MVB12B: variants seen among roughly 807,000 people sequenced by gnomAD.
MVB12B encodes the protein multivesicular body subunit 12B.
Under a neutral mutation model 41.6 loss-of-function variants are expected in MVB12B, and 16 were observed. That is an observed-to-expected ratio of 0.38 (90% CI 0.26 to 0.58). The LOEUF (loss-of-function observed/expected upper bound fraction) is 0.58, where lower values mean the gene tolerates loss of function less well. MVB12B is among the 20% of genes least tolerant of loss of function. The probability of loss-of-function intolerance (pLI) is 0.62; values close to 1 mark genes in which losing one functional copy is unlikely to be tolerated. For synonymous variants in MVB12B, 133 were observed against 139.7 expected (o/e 0.95, Z 0.34); for missense variants, 274 against 380.2 (o/e 0.72, Z 2.32).
Position 126,386,768 on chromosome 9 carries a change from T to G in MVB12B, c.409+110T>G. The G allele has an allele frequency of 1.3e-6, 1 of 752,476 alleles. No individual in the cohort carries two copies. Among genetic ancestry groups the G allele is most frequent in the Non-Finnish European group, 2.3e-6 (1 of 441,754 alleles). 46.6% of individuals were successfully genotyped at this position (752,476 alleles called of 1,614,324 possible). A position where few individuals can be genotyped will look rare whatever the true frequency, so the allele number is the denominator to read the frequency against. ...TCTTCAGAAACACTTTTGGAGGCCT[T>G]ACTACATGCCCATGAACAAACCCTG... On this transcript the variant is annotated intron_variant, in intron 4 of 9. Transcript: ENST00000361171. The surrounding 1 kb of genome is among the most constrained non-coding windows in gnomAD (Gnocchi z 4.3).
Position 126,506,024 on chromosome 9 carries a change from A to G in MVB12B, c.*2761A>G, listed in dbSNP as rs1418284195. Reference sequence around the variant, plus strand: ...TCTCTGGAAAGTTGAAGTATCTCCAAAGGCCTTGGAAATGGCACAAAGGTG... The same window carrying G: ...TCTCTGGAAAGTTGAAGTATCTCCAGAGGCCTTGGAAATGGCACAAAGGTG... On this transcript the variant is annotated 3_prime_UTR_variant, in exon 10 of 10. Coordinates refer to ENST00000361171, the MANE Select transcript of MVB12B (RefSeq NM_033446.3). 2.0e-5 allele frequency: 3 copies of G among 152,180 alleles called. No individual in the cohort carries two copies. The highest frequency in any genetic ancestry group is 6.5e-5 in the Admixed American group (1 of 15,288). The allele number at this position is 152,180 out of a possible 1,614,324, so 9.4% of individuals were successfully genotyped here.
intron 1 of MVB12B, among the ~76,000 whole-genome samples, chr9:126,327,577 C>A (rs1175808147): frequency 6.6e-6 from 1 of 152,112 alleles, no homozygotes; most frequent in Non-Finnish European, 1.5e-5. Context: ...ATGGTGGGCA[C>A]GTCGAGCACC....
chr9:126,432,112 T>C (rs1832345629), intron 7 of MVB12B, among the ~76,000 whole-genome samples: 1 of 152,244 alleles, frequency 6.6e-6, no homozygotes, highest in Admixed American at 6.5e-5. Flanking sequence ...ACTGTAACGT[T>C]CCTAAACACA....
intron 7 of MVB12B, among the ~76,000 whole-genome samples, chr9:126,464,786 C>T (rs1833164531): frequency 6.6e-6 from 1 of 152,230 alleles, no homozygotes; most frequent in African/African-American, 2.4e-5. Context: ...TAGGAGATCA[C>T]CGTGTCCACC....
At chr9:126,344,953 G>A (rs539839450) in intron 2 of MVB12B, among the ~76,000 whole-genome samples, 4 of 152,294 alleles carry the variant, frequency 2.6e-5, no homozygotes, top group Middle Eastern at 3.4e-3. Context: ...CTTCTCACAG[G>A]TCCCATCTCT....
intron 7 of MVB12B, among the ~76,000 whole-genome samples, chr9:126,462,756 G>T (rs529845979): frequency 6.6e-6 from 1 of 152,188 alleles, no homozygotes; most frequent in Non-Finnish European, 1.5e-5. Context: ...GGACTGCTGA[G>T]CTCAGGTGGG....
chr9:126,375,401 C>T (rs1830454170), intron 2 of MVB12B, among the ~76,000 whole-genome samples: 1 of 67,100 alleles, frequency 1.5e-5, no homozygotes, highest in African/African-American at 6.4e-5. Context: ...GCCTTAGGTG[C>T]ATTGTTTTCA....
At chr9:126,350,375 A>C (rs1414957809) in intron 2 of MVB12B, among the ~76,000 whole-genome samples, 1 of 152,176 alleles carries the variant, frequency 6.6e-6, no homozygotes, top group Non-Finnish European at 1.5e-5. Flanking sequence ...TCTGTGAATC[A>C]TGTTTTGGTG....
chr9:126,382,101 T>A (rs1352306933), intron 3 of MVB12B, among the ~76,000 whole-genome samples: 1 of 146,112 alleles, frequency 6.8e-6, no homozygotes, highest in Admixed American at 6.8e-5. Context: ...TATTTGCAGT[T>A]AAAAAAAAAA....
At chr9:126,358,684 G>A (rs562003179) in intron 2 of MVB12B, among the ~76,000 whole-genome samples, 1 of 152,242 alleles carries the variant, frequency 6.6e-6, no homozygotes, top group East Asian at 1.9e-4. Flanking sequence ...TTCTTATAAC[G>A]TTTTTGAATA....
intron 5 of MVB12B, among the ~76,000 whole-genome samples, chr9:126,394,947 G>A (rs1043377211): frequency 8.5e-5 from 13 of 152,178 alleles, no homozygotes; most frequent in African/African-American, 2.7e-4. Context: ...GTGTGGTGTA[G>A]TAGGGGGCGG....
At chr9:126,415,344 C>T (rs1424342141) in intron 6 of MVB12B, among the ~76,000 whole-genome samples, 1 of 152,194 alleles carries the variant, frequency 6.6e-6, no homozygotes, top group Non-Finnish European at 1.5e-5. Context: ...TCCATAGACA[C>T]TGGATGCTGT....
rs34089808 is a variant in MVB12B at position 126,413,818 on chromosome 9, T to TTGTG, written c.663-8004_663-8001dup. Among the ~76,000 whole-genome samples the TTGTG allele has an allele frequency of 2.7e-3, 294 of 109,474 alleles. 2 individuals carry two copies. Among genetic ancestry groups the TTGTG allele is most frequent in the Admixed American group, 5.3e-3 (54 of 10,246 alleles). The allele number at this position is 109,474 out of a possible 152,430, so 71.8% of individuals were successfully genotyped here. A position where few individuals can be genotyped will look rare whatever the true frequency, so the allele number is the denominator to read the frequency against. On this transcript the variant is annotated intron_variant, in intron 6 of 9. Coordinates refer to ENST00000361171, the MANE Select transcript of MVB12B (RefSeq NM_033446.3). ...TCTGGAATCCTGTGAACCCCATTGG[T>TTGTG]TGTGTGTGTGTGTGTGTGTGTGTGT...
intron 6 of MVB12B, among the ~76,000 whole-genome samples, chr9:126,403,695 T>G (rs369364184): frequency 1.6e-4 from 25 of 152,334 alleles, no homozygotes; most frequent in African/African-American, 5.5e-4. Flanking sequence ...TCTCATTCCA[T>G]GCTCACAGTA....
In MVB12B at chr9:126,470,646, C is replaced by CTGTGTGTGTGTG. The variant is rs143928729; in HGVS notation, c.758-10703_758-10692dup. On this transcript the variant is annotated intron_variant, in intron 7 of 9. Coordinates refer to ENST00000361171, the MANE Select transcript of MVB12B (RefSeq NM_033446.3). Reference sequence around the variant, plus strand: ...GGGGAGCCTAGGAGGAGTCAGTGCTCTGTGTGTGTGTGTGTGTGTGTGTGT... The same window carrying CTGTGTGTGTGTG: ...GGGGAGCCTAGGAGGAGTCAGTGCTCTGTGTGTGTGTGTGTGTGTGTGTGTGTGTGTGTGTGT... Among the ~76,000 whole-genome samples the CTGTGTGTGTGTG allele has an allele frequency of 4.0e-3, 577 of 143,610 alleles. 2 individuals are homozygous for CTGTGTGTGTGTG. Among genetic ancestry groups the CTGTGTGTGTGTG allele is most frequent in the African/African-American group, 0.011 (451 of 39,574 alleles). 94.2% of individuals were successfully genotyped at this position (143,610 alleles called of 152,430 possible).
chr9:126,432,928 G>A (rs1420574562), intron 7 of MVB12B, among the ~76,000 whole-genome samples: 3 of 152,164 alleles, frequency 2.0e-5, no homozygotes, highest in South Asian at 2.1e-4. Context: ...AAACTCTCAC[G>A]TGGGCCCCTG....
At chr9:126,467,919 C>T (rs192778565) in intron 7 of MVB12B, among the ~76,000 whole-genome samples, 4 of 152,320 alleles carry the variant, frequency 2.6e-5, no homozygotes, top group Non-Finnish European at 2.9e-5. Flanking sequence ...TGCCCATTGC[C>T]TCTGAACTGC....
chr9:126,452,748 G>A (rs1176647942), intron 7 of MVB12B, among the ~76,000 whole-genome samples: 4 of 152,104 alleles, frequency 2.6e-5, no homozygotes, highest in Admixed American at 2.0e-4. Context: ...GTTTGGGTGA[G>A]TTTTTTGGCT....
At position 126,440,553 on chromosome 9, in the gene MVB12B, G is replaced by GA. The variant is rs144810268; in HGVS notation, c.757+18614dup. Among the ~76,000 whole-genome samples, 681 of 150,292 alleles carry GA rather than the reference G, an allele frequency of 4.5e-3. 2 individuals carry two copies. Among genetic ancestry groups the GA allele is most frequent in the Middle Eastern group, 0.024 (7 of 290 alleles). ...AGTCCTGCTAATTCAACATCAGAAA[G>GA]AAAAAAAAAGCCCAACAGGAATCTC... On this transcript the variant is annotated intron_variant, in intron 7 of 9. Transcript: ENST00000361171.
Sources: allele counts gnomAD v4.1 joint callset (sites outside exome capture counted in the v4.1 genomes callset), GRCh38; gene constraint gnomAD v4.1.1; non-coding constraint Gnocchi (gnomAD v3.1); transcripts MANE v1.5; gene names NCBI Gene and HGNC (gene_info 2026-07-23, HGNC 2026-07-21).